The following USP49 variants were observed in gnomAD, a reference collection of about 807,000 sequenced individuals.
USP49 encodes the protein ubiquitin carboxyl-terminal hydrolase 49.
Under a neutral mutation model 58.6 loss-of-function variants are expected in USP49, and 24 were observed. The observed-to-expected ratio is 0.41, with a 90% CI of 0.30 to 0.58. The LOEUF (loss-of-function observed/expected upper bound fraction) is 0.58, where lower values mean the gene tolerates loss of function less well. Ranked by LOEUF, USP49 falls within the 20% of genes least tolerant of loss-of-function variation. The probability of loss-of-function intolerance (pLI) is 0.30; values close to 1 mark genes in which losing one functional copy is unlikely to be tolerated. For synonymous variants in USP49, 408 were observed against 365.1 expected, an observed-to-expected ratio of 1.12 and a Z score of -1.34; for missense variants, 703 against 866.1, an observed-to-expected ratio of 0.81 and a Z score of 2.36.
In USP49 at chr6:41,829,060, T is replaced by C. The variant is rs1367108937; in HGVS notation, c.-28-22049A>G. 2.0e-5 allele frequency among the ~76,000 whole-genome samples: 3 copies of C among 152,314 alleles called. No individual in the cohort carries two copies. The East Asian group carries it at 5.8e-4, about 29-fold the overall frequency. ...GTTTAGATATTTCCTGGATACTTTA[T>C]AGTTTTTTTGTGGCTACTATGAATA... On this transcript the variant is annotated intron_variant, in intron 3 of 7. Transcript: ENST00000682992.
At chr6:41,815,399 C>A (rs1032567907) in intron 3 of USP49, among the ~76,000 whole-genome samples, 3 of 148,450 alleles carry the variant, frequency 2.0e-5, no homozygotes, top group Non-Finnish European at 3.0e-5. Context: ...CCAGCCTGGG[C>A]GACAGAGTGA....
intron 3 of USP49, among the ~76,000 whole-genome samples, chr6:41,856,713 T>C (rs1466391197): frequency 1.3e-5 from 2 of 152,222 alleles, no homozygotes; most frequent in Non-Finnish European, 2.9e-5. Context: ...AGTTTTGCTT[T>C]CTGAGGTTTC....
chr6:41,843,300 A>G (rs1033174081), intron 3 of USP49, among the ~76,000 whole-genome samples: 4 of 152,340 alleles, frequency 2.6e-5, no homozygotes, highest in African/African-American at 9.6e-5. Flanking sequence ...TCCAGTACTA[A>G]AAGTATAAAT....
intron 3 of USP49, among the ~76,000 whole-genome samples, chr6:41,867,644 C>G (rs1242798849): frequency 6.6e-6 from 1 of 151,026 alleles, no homozygotes; most frequent in Admixed American, 6.6e-5. Context: ...CCTAGCTACT[C>G]GGGAGGCAGA....
chr6:41,821,057 A>T (rs528173169), intron 3 of USP49, among the ~76,000 whole-genome samples: 1 of 152,324 alleles, frequency 6.6e-6, no homozygotes, highest in South Asian at 2.1e-4. Flanking sequence ...CAAAAAAAGC[A>T]AGCAATATAT....
At chr6:41,800,051 C>G in intron 5 of USP49, 113 bp from the exon 6 acceptor site, 2 of 953,630 alleles carry the variant, frequency 2.1e-6, no homozygotes, top group East Asian at 5.0e-5. Context: ...AGTATCTGAA[C>G]CTCAATTTTT....
At chr6:41,876,895 C>A (rs1364734753) in intron 2 of USP49, among the ~76,000 whole-genome samples, 2 of 152,188 alleles carry the variant, frequency 1.3e-5, no homozygotes, top group Non-Finnish European at 2.9e-5. Context: ...GGAAGCCCAG[C>A]ATAGGATAGC....
At chr6:41,798,990 G>T in intron 6 of USP49, 61 bp from the exon 7 acceptor site, 2 of 1,555,278 alleles carry the variant, frequency 1.3e-6, no homozygotes, top group Non-Finnish European at 1.7e-6. Flanking sequence ...GTAGGTAGAG[G>T]TAGGTATTAA....
chr6:41,845,353 C>G (rs1258932848), intron 3 of USP49, among the ~76,000 whole-genome samples: 1 of 151,932 alleles, frequency 6.6e-6, no homozygotes, highest in Non-Finnish European at 1.5e-5. Flanking sequence ...CCTGACAAAC[C>G]CTGTCTCTAC....
chr6:41,807,852 C>A (rs1423283986), intron 3 of USP49, among the ~76,000 whole-genome samples: 1 of 151,684 alleles, frequency 6.6e-6, no homozygotes. Flanking sequence ...CAGCTCACTG[C>A]AACTTCTGCC....
At chr6:41,839,404 CAAAAAAAAAAAAA>C (rs538220746) in intron 3 of USP49, among the ~76,000 whole-genome samples, 60 of 22,238 alleles carry the variant, frequency 2.7e-3, no homozygotes, top group African/African-American at 4.0e-3. Flanking sequence ...GGCCTTGTCT[CAAAAAAAAAAAAA>C]AAAAAAAAAA....
At chr6:41,813,970 A>G (rs765782296) in intron 3 of USP49, among the ~76,000 whole-genome samples, 52 of 152,214 alleles carry the variant, frequency 3.4e-4, no homozygotes, top group Non-Finnish European at 6.6e-4. Context: ...CATTTGGCAA[A>G]AAGAGGAATT....
chr6:41,895,274 T>G (rs111397144), intron 1 of USP49, 50 bp downstream of exon 1: 16 of 135,520 alleles, frequency 1.2e-4, no homozygotes, highest in African/African-American at 4.3e-4. Context: ...GCTACCCACT[T>G]TGCTGCCTCC....
intron 3 of USP49, among the ~76,000 whole-genome samples, chr6:41,857,992 T>TA (rs1224165036): frequency 6.6e-6 from 1 of 152,198 alleles, no homozygotes; most frequent in Non-Finnish European, 1.5e-5. Context: ...GCAGACATCT[T>TA]AAAGACTGAG....
At chr6:41,867,719 T>C (rs1463888378) in intron 3 of USP49, among the ~76,000 whole-genome samples, 3 of 151,498 alleles carry the variant, frequency 2.0e-5, no homozygotes, top group African/African-American at 2.4e-5. Flanking sequence ...GCCACTGCAC[T>C]CCAGCCTGGG....
At chr6:41,866,380 T>C (rs1230444468) in intron 3 of USP49, among the ~76,000 whole-genome samples, 1 of 152,172 alleles carries the variant, frequency 6.6e-6, no homozygotes, top group Non-Finnish European at 1.5e-5. Flanking sequence ...TGGAAGCTGT[T>C]AATAGCACAT....
chr6:41,884,229 T>C (rs935384441), intron 2 of USP49, among the ~76,000 whole-genome samples: 1 of 152,304 alleles, frequency 6.6e-6, no homozygotes, highest in East Asian at 1.9e-4. Context: ...TTCACCATGC[T>C]GGCCAGGATG....
chr6:41,799,072 G>T, intron 6 of USP49, 143 bp from the exon 7 acceptor site: 1 of 777,096 alleles, frequency 1.3e-6, no homozygotes, highest in Non-Finnish European at 1.8e-6. Flanking sequence ...GGTAATCAAT[G>T]TTCACACTTA....
At chr6:41,865,310 G>T (rs891612698) in intron 3 of USP49, among the ~76,000 whole-genome samples, 13 of 152,104 alleles carry the variant, frequency 8.5e-5, no homozygotes, top group African/African-American at 3.1e-4. Context: ...CTCCCAAAGT[G>T]CAGGGATTAC....
Sources: gnomAD v4.1 joint callset for allele counts (sites outside exome capture counted in the v4.1 genomes callset) on GRCh38, gnomAD v4.1.1 for gene constraint, MANE v1.5 for transcripts, NCBI Gene and HGNC (gene_info 2026-07-23, HGNC 2026-07-21) for gene names.